The following UBAP2 variants were observed in gnomAD, a reference collection of about 807,000 sequenced individuals.
The protein encoded by UBAP2 is ubiquitin-associated protein 2.
Under a neutral mutation model 139.6 loss-of-function variants are expected in UBAP2, and 75 were observed. The observed-to-expected ratio is 0.54, with a 90% CI of 0.45 to 0.65. UBAP2 has a LOEUF of 0.65. UBAP2 is among the 30% of genes least tolerant of loss of function. The probability of loss-of-function intolerance (pLI) is 0.00; values close to 1 mark genes in which losing one functional copy is unlikely to be tolerated. For synonymous variants in UBAP2, 526 were observed against 526.2 expected (o/e 1.00, Z 0.01); for missense variants, 1,368 against 1,369.6 (o/e 1.00, Z 0.02).
intron 1 of UBAP2, among the ~76,000 whole-genome samples, chr9:34,019,588 GA>G (rs1398430832): frequency 1.3e-5 from 2 of 151,956 alleles, no homozygotes; most frequent in Non-Finnish European, 2.9e-5. Context: ...TCGGAAGATG[GA>G]CGGCAGTGGT....
chr9:33,977,030 T>G (rs1446678490), intron 6 of UBAP2, among the ~76,000 whole-genome samples: 2 of 147,102 alleles, frequency 1.4e-5, no homozygotes, highest in Non-Finnish European at 1.5e-5. Context: ...CAAAAACAGT[T>G]GTTTTTTATT....
intron 1 of UBAP2, among the ~76,000 whole-genome samples, chr9:34,034,819 G>A (rs1466633029): frequency 1.3e-5 from 2 of 151,936 alleles, no homozygotes; most frequent in East Asian, 1.9e-4. Context: ...GTTGCAGTGA[G>A]TCAAGATCAC....
rs1445748677 is a variant in UBAP2, at chr9:33,953,278, G to A, written c.1056+7C>T. 1.2e-6 allele frequency: 2 copies of A among 1,608,192 alleles called. No homozygotes were observed. Among genetic ancestry groups the A allele is most frequent in the Middle Eastern group, 3.3e-4 (2 of 6,018 alleles). On this transcript the variant is annotated splice_region_variant and intron_variant, in intron 12 of 28. Transcript: ENST00000379238. ...TAAAATCCCACACTGAAATAAAAGT[G>A]AGTTACCAGGCTCTGAGGAGAACAG... is the stretch of plus-strand genomic sequence containing the variant.
At chr9:33,945,236 C>T (rs534095090) in intron 13 of UBAP2, among the ~76,000 whole-genome samples, 30 of 152,180 alleles carry the variant, frequency 2.0e-4, no homozygotes, top group Non-Finnish European at 3.2e-4. Context: ...CAGTGGCTCA[C>T]GCCTGTAATC....
intron 1 of UBAP2, among the ~76,000 whole-genome samples, chr9:34,037,265 G>A (rs1282218706): frequency 6.6e-6 from 1 of 152,138 alleles, no homozygotes. Context: ...TGGGATTACA[G>A]GCGTGAGCCA....
intron 3 of UBAP2, 152 bp from the exon 4 acceptor site, chr9:33,996,485 A>T (rs1158864425): frequency 3.5e-6 from 2 of 570,852 alleles, no homozygotes; most frequent in Non-Finnish European, 6.1e-6. Flanking sequence ...ATGTTTACTT[A>T]TTTTTTTGTG....
At chr9:34,016,951 TA>T in intron 2 of UBAP2, 98 bp downstream of exon 2, 1 of 824,284 alleles carries the variant, frequency 1.2e-6, no homozygotes, top group Non-Finnish European at 1.8e-6. Flanking sequence ...TCCTTAATTC[TA>T]AACAAGGCAA....
chr9:34,004,850 C>T (rs1439474249), intron 2 of UBAP2, among the ~76,000 whole-genome samples: 1 of 152,102 alleles, frequency 6.6e-6, no homozygotes, highest in Non-Finnish European at 1.5e-5. Flanking sequence ...CGCCTATAAT[C>T]CCAGCACTTT....
At chr9:33,995,409 G>A (rs1822080504) in intron 4 of UBAP2, 3 of 132,010 alleles carry the variant, frequency 2.3e-5, no homozygotes, top group African/African-American at 5.8e-5. Context: ...TATATATAAA[G>A]TATATATATT....
rs1365668664 is a variant in UBAP2, at chr9:33,948,525, G to A, written c.1119C>T (p.Ser373=). The A allele has an allele frequency of 6.2e-7, 1 of 1,614,200 alleles. No homozygotes were observed. The highest frequency in any genetic ancestry group is 1.1e-5 in the South Asian group (1 of 91,084). Residue 373 remains serine (S), a synonymous_variant, in exon 13 of 29, where the codon AGC becomes AGT. Coordinates refer to ENST00000379238, the MANE Select transcript of UBAP2 (RefSeq NM_001370062.2). ...LAPPKMANIT[S]SQILDQLKAP... is the part of the protein sequence containing the mutation. Reference sequence around the variant, plus strand: ...CTTTCAACTGGTCCAAAATCTGGGAGCTGGTGATGTTTGCCATTTTTGGTG... The same window carrying A: ...CTTTCAACTGGTCCAAAATCTGGGAACTGGTGATGTTTGCCATTTTTGGTG...
At chr9:33,981,745 T>A (rs1056861733) in intron 6 of UBAP2, among the ~76,000 whole-genome samples, 2 of 143,392 alleles carry the variant, frequency 1.4e-5, no homozygotes, top group African/African-American at 5.2e-5. Flanking sequence ...CAAGGAGGGA[T>A]GGAAGGATGG....
rs370335086 is a variant in UBAP2 at position 33,968,286 on chromosome 9, C to T, written c.679+3365G>A. The T allele has an allele frequency of 8.2e-6, 5 of 612,480 alleles. 1 individual carries two copies. Among genetic ancestry groups the T allele is most frequent in the South Asian group, 4.1e-5 (3 of 73,210 alleles). 37.9% of individuals were successfully genotyped at this position (612,480 alleles called of 1,614,324 possible). ...CCTTCCATAATATACTGTCCATTTA[C>T]TCTGTACACCAAGAAAGCTACTGGC... On this transcript the variant is annotated intron_variant, in intron 8 of 28. Coordinates refer to ENST00000379238, the MANE Select transcript of UBAP2 (RefSeq NM_001370062.2).
chr9:34,034,898 C>T (rs1341788676), intron 1 of UBAP2, among the ~76,000 whole-genome samples: 1 of 147,296 alleles, frequency 6.8e-6, no homozygotes, highest in East Asian at 2.0e-4. Flanking sequence ...AAAAAAAAAA[C>T]GAATCGCTCA....
chr9:34,014,066 T>C (rs555173246), intron 2 of UBAP2, among the ~76,000 whole-genome samples: 46 of 151,926 alleles, frequency 3.0e-4, no homozygotes, highest in African/African-American at 1.0e-3. Flanking sequence ...CTCACACCTG[T>C]AATCCCAACA....
intron 21 of UBAP2, 72 bp downstream of exon 21, chr9:33,926,917 C>G (rs1823484641): frequency 6.7e-7 from 1 of 1,496,552 alleles, no homozygotes; most frequent in African/African-American, 1.4e-5. Flanking sequence ...GGCCCAACGC[C>G]AGGTTCCTGC....
At chr9:34,017,353 C>T (rs1207352651) in intron 1 of UBAP2, among the ~76,000 whole-genome samples, 164 bp from the exon 2 acceptor site, 2 of 152,138 alleles carry the variant, frequency 1.3e-5, no homozygotes, top group Non-Finnish European at 2.9e-5. Flanking sequence ...TCTGTTAAAC[C>T]AATTCGACTA....
chr9:34,027,317 T>C (rs181275862), intron 1 of UBAP2, among the ~76,000 whole-genome samples: 2 of 151,684 alleles, frequency 1.3e-5, no homozygotes, highest in Admixed American at 1.3e-4. Context: ...CCTACCCTAC[T>C]AAAAATACAA....
intron 2 of UBAP2, chr9:34,011,571 T>C: frequency 1.1e-6 from 1 of 925,592 alleles, no homozygotes; most frequent in Non-Finnish European, 1.3e-6. Context: ...GATAAACAAT[T>C]CAATAAATAT....
intron 5 of UBAP2, 133 bp from the exon 6 acceptor site, chr9:33,986,970 A>C (rs1330280009): frequency 2.6e-6 from 2 of 770,168 alleles, no homozygotes; most frequent in East Asian, 2.5e-5. Context: ...CAAAAACAGG[A>C]AAAACAAAAA....
Sources: allele counts gnomAD v4.1 joint callset (sites outside exome capture counted in the v4.1 genomes callset), GRCh38; gene constraint gnomAD v4.1.1; transcripts MANE v1.5; gene names NCBI Gene and HGNC (gene_info 2026-07-23, HGNC 2026-07-21).